The following STK3 variants were observed in gnomAD, a reference collection of about 807,000 sequenced individuals.
STK3 encodes serine/threonine-protein kinase 3.
A neutral mutation model predicts 58.0 loss-of-function variants in STK3; 41 were observed. The observed-to-expected ratio is 0.71, with a 90% CI of 0.55 to 0.92. The LOEUF is 0.92. Among genes scored for constraint, STK3 ranks in the 40% least tolerant of loss-of-function variants. STK3 has a pLI of 0.00. For missense variants in STK3, 479 were observed against 602.7 expected (o/e 0.79, Z 2.15); for synonymous variants, 170 against 191.0 (o/e 0.89, Z 0.91).
intron 3 of STK3, among the ~76,000 whole-genome samples, chr8:98,420,207 G>A (rs1186987001): frequency 6.6e-6 from 1 of 152,098 alleles, no homozygotes; most frequent in East Asian, 1.9e-4. Flanking sequence ...GTCCCATCCA[G>A]GACAGCAATC....
chr8:98,521,008 G>A (rs1359734467), intron 10 of STK3, among the ~76,000 whole-genome samples: 1 of 151,952 alleles, frequency 6.6e-6, no homozygotes, highest in African/African-American at 2.4e-5. Flanking sequence ...GCAATTATTT[G>A]TTCATCTTCT....
chr8:98,804,174 G>A (rs1267083893), intron 1 of STK3, among the ~76,000 whole-genome samples: 1 of 151,898 alleles, frequency 6.6e-6, no homozygotes, highest in East Asian at 1.9e-4. Flanking sequence ...GCTAATTTTT[G>A]TATTTTTAGT....
Position 98,562,235 on chromosome 8 carries a change from T to C in STK3, c.949-14074A>G, listed in dbSNP as rs114037515. Among the ~76,000 whole-genome samples the C allele has an allele frequency of 6.6e-3, 1,007 of 152,264 alleles. 3 individuals carry two copies. Among genetic ancestry groups the C allele is most frequent in the African/African-American group, 0.023 (960 of 41,562 alleles). On this transcript the variant is annotated intron_variant, in intron 8 of 10. Transcript: ENST00000419617. Reference sequence around the variant, plus strand: ...TGTATACAGCAGCTTTATTTATTGATAACTGCCCCAAACTAATAAGTAACT... The same window carrying C: ...TGTATACAGCAGCTTTATTTATTGACAACTGCCCCAAACTAATAAGTAACT...
chr8:98,911,121 A>G (rs757201515), intron 1 of STK3, among the ~76,000 whole-genome samples: 16 of 152,180 alleles, frequency 1.1e-4, no homozygotes, highest in Admixed American at 2.0e-4. Context: ...GTCACTGTTC[A>G]TTTTTTGTAG....
intron 10 of STK3, among the ~76,000 whole-genome samples, chr8:98,523,848 C>T (rs1213988752): frequency 6.6e-6 from 1 of 152,152 alleles, no homozygotes; most frequent in African/African-American, 2.4e-5. Flanking sequence ...GTGATGCACA[C>T]AAGTTTTCCA....
At chr8:98,372,020 T>C (rs1462850429) in intron 2 of STK3, among the ~76,000 whole-genome samples, 1 of 152,152 alleles carries the variant, frequency 6.6e-6, no homozygotes, top group East Asian at 1.9e-4. Flanking sequence ...ACTAGTGCCC[T>C]TTTAAGATGA....
At chr8:98,486,682 G>A (rs1008088427) in intron 10 of STK3, among the ~76,000 whole-genome samples, 2 of 152,194 alleles carry the variant, frequency 1.3e-5, no homozygotes, top group African/African-American at 4.8e-5. Flanking sequence ...AAAGATTAGA[G>A]GAGTATGAAT....
At chr8:98,840,624 T>C (rs1365960083) in intron 3 of STK3, among the ~76,000 whole-genome samples, 3 of 132,216 alleles carry the variant, frequency 2.3e-5, no homozygotes, top group Non-Finnish European at 3.2e-5. Context: ...TATATATATA[T>C]ATATACACAC....
chr8:98,905,307 T>G, intron 1 of STK3: 1 of 854,586 alleles, frequency 1.2e-6, no homozygotes, highest in Non-Finnish European at 2.0e-6. Context: ...CTCTGACCAC[T>G]CCATGTGTAT....
At chr8:98,402,015 T>TGGA (rs1817948374) in intron 3 of STK3, among the ~76,000 whole-genome samples, 1 of 152,214 alleles carries the variant, frequency 6.6e-6, no homozygotes, top group Non-Finnish European at 1.5e-5. Context: ...ACTATTAATG[T>TGGA]TTGGTAAACA....
rs558862999 is a variant in STK3 at position 98,405,681 on chromosome 8, T to C, written n.484-4168A>G. Among the ~76,000 whole-genome samples, 5 of 152,226 alleles carry C rather than the reference T, an allele frequency of 3.3e-5. No individual in the cohort carries two copies. In the East Asian group the frequency reaches 7.7e-4, roughly 24 times the overall value. ...GCTGCTGATAAAGACATACCTGAGATTGAGCAATTTACAAAAGAAAGAGGA... is the reference window on the plus strand; with the variant it reads ...GCTGCTGATAAAGACATACCTGAGACTGAGCAATTTACAAAAGAAAGAGGA... On this transcript the variant is annotated intron_variant and non_coding_transcript_variant, in intron 3 of 3. Coordinates refer to the STK3 transcript ENST00000517832.
At chr8:98,817,453 C>A (rs75829797) in intron 1 of STK3, among the ~76,000 whole-genome samples, 89 of 128,924 alleles carry the variant, frequency 6.9e-4, no homozygotes, top group South Asian at 1.5e-3. Context: ...GACTCCATCT[C>A]AAAAAAAAAA....
intron 6 of STK3, among the ~76,000 whole-genome samples, chr8:98,645,174 T>A (rs541773566): frequency 2.7e-3 from 409 of 152,306 alleles, no homozygotes; most frequent in Non-Finnish European, 4.9e-3. Flanking sequence ...CATTTCAATT[T>A]TTGCTCTGCT....
Position 98,848,406 on chromosome 8 carries a change from T to C in STK3, c.110+35241A>G, listed in dbSNP as rs1392190025. Reference sequence around the variant, plus strand: ...CTGGGATTACAGGTATGCGCCACCATGCCTGGCTAATTTTGTATTTTTAGT... The same window carrying C: ...CTGGGATTACAGGTATGCGCCACCACGCCTGGCTAATTTTGTATTTTTAGT... On this transcript the variant is annotated intron_variant, in intron 3 of 12. Coordinates refer to the STK3 transcript ENST00000523601. 1.3e-5 allele frequency among the ~76,000 whole-genome samples: 2 copies of C among 152,068 alleles called. 1 individual carries two copies. Among genetic ancestry groups the C allele is most frequent in the Non-Finnish European group, 2.9e-5 (2 of 68,000 alleles).
At chr8:98,536,196 A>C (rs72666633) in intron 9 of STK3, among the ~76,000 whole-genome samples, 4,549 of 152,232 alleles carry the variant, frequency 0.03, 102 homozygotes, top group South Asian at 0.06. Flanking sequence ...TGCCTCCCTA[A>C]TATCTATAAT....
At chr8:98,661,202 T>C (rs1821940426) in intron 6 of STK3, among the ~76,000 whole-genome samples, 1 of 151,496 alleles carries the variant, frequency 6.6e-6, no homozygotes, top group Non-Finnish European at 1.5e-5. Flanking sequence ...AAGTACGTTT[T>C]ATATTTCACT....
intron 3 of STK3, among the ~76,000 whole-genome samples, chr8:98,406,085 C>T (rs916009177): frequency 6.6e-6 from 1 of 152,188 alleles, no homozygotes. Flanking sequence ...TTGTACACCA[C>T]TCTTGTTCCA....
intron 1 of STK3, among the ~76,000 whole-genome samples, chr8:98,445,033 T>C (rs1216267536): frequency 2.0e-5 from 3 of 152,236 alleles, no homozygotes; most frequent in Non-Finnish European, 4.4e-5. Context: ...TTTTATCTTT[T>C]GTTTTCTGTA....
At chr8:98,467,003 C>T (rs761529467) in intron 10 of STK3, among the ~76,000 whole-genome samples, 6 of 152,174 alleles carry the variant, frequency 3.9e-5, no homozygotes, top group Non-Finnish European at 8.8e-5. Context: ...CTACAAAAAT[C>T]TTTGGGAGAG....
Sources: allele counts gnomAD v4.1 joint callset (sites outside exome capture counted in the v4.1 genomes callset), GRCh38; gene constraint gnomAD v4.1.1; transcripts MANE v1.5; gene names NCBI Gene and HGNC (gene_info 2026-07-23, HGNC 2026-07-21).